Variants in CACNA1C observed in about 807,000 individuals in gnomAD.
CACNA1C encodes the protein calcium voltage-gated channel subunit alpha1 C.
A neutral mutation model predicts 229.0 loss-of-function variants in CACNA1C; 30 were observed. That is an observed-to-expected ratio of 0.13 (90% CI 0.10 to 0.18). The LOEUF (loss-of-function observed/expected upper bound fraction) is 0.18, where lower values mean the gene tolerates loss of function less well. Ranked by LOEUF, CACNA1C falls within the 10% of genes least tolerant of loss-of-function variation. CACNA1C has a pLI of 1.00. For synonymous variants in CACNA1C, 1,114 were observed against 1,132.5 expected (o/e 0.98, Z 0.33); for missense variants, 1,658 against 2,845.0 (o/e 0.58, Z 9.49).
Position 2,141,379 on chromosome 12 carries a change from G to A in CACNA1C, c.477+20949G>A, listed in dbSNP as rs1180434811. 2.6e-5 allele frequency among the ~76,000 whole-genome samples: 4 copies of A among 151,228 alleles called. No homozygotes were observed. The East Asian group carries it at 7.7e-4, about 29-fold the overall frequency. On this transcript the variant is annotated intron_variant, in intron 3 of 46. Transcript: ENST00000399655. ...GTGGTTGCCAGAGGGCCTGGCCAGA[G>A]CTCACTGGGGAAGAAAGCCCTGGAC...
At chr12:2,439,953 C>T (rs1356586441) in intron 3 of CACNA1C, among the ~76,000 whole-genome samples, 1 of 152,052 alleles carries the variant, frequency 6.6e-6, no homozygotes, top group African/African-American at 2.4e-5. Flanking sequence ...GCAGAAGACC[C>T]CCGGCAGGAC....
intron 21 of CACNA1C, among the ~76,000 whole-genome samples, chr12:2,600,767 G>A (rs1012056985): frequency 2.6e-5 from 4 of 152,174 alleles, no homozygotes; most frequent in Non-Finnish European, 4.4e-5. Context: ...CAAAGCCAGG[G>A]GATAGTTTCC....
intron 3 of CACNA1C, among the ~76,000 whole-genome samples, chr12:2,338,045 C>T (rs2096752549): frequency 1.3e-5 from 2 of 152,148 alleles, no homozygotes; most frequent in Non-Finnish European, 1.5e-5. Context: ...CCCCTCTCTG[C>T]ACAGCCTGGT....
At chr12:2,357,135 A>T (rs2097394051) in intron 3 of CACNA1C, among the ~76,000 whole-genome samples, 2 of 152,188 alleles carry the variant, frequency 1.3e-5, no homozygotes, top group South Asian at 4.1e-4. Context: ...CCAAAACTGG[A>T]CAAGATTAGA....
At chr12:2,170,565 A>G (rs2096435274) in intron 3 of CACNA1C, among the ~76,000 whole-genome samples, 1 of 152,254 alleles carries the variant, frequency 6.6e-6, no homozygotes, top group Non-Finnish European at 1.5e-5. Flanking sequence ...TCACTGCTAT[A>G]GTGAGTCACC....
upstream of CACNA1C, among the ~76,000 whole-genome samples, chr12:2,052,782 G>A (rs1475479976): frequency 1.4e-5 from 2 of 145,474 alleles, no homozygotes; most frequent in Admixed American, 6.8e-5. Flanking sequence ...CCGGGAGGGG[G>A]CCCGACTTCG....
intron 29 of CACNA1C, among the ~76,000 whole-genome samples, chr12:2,616,498 A>G (rs1205663182): frequency 2.0e-5 from 3 of 152,130 alleles, no homozygotes; most frequent in East Asian, 1.9e-4. Flanking sequence ...GGCAGCTGCA[A>G]GCACCCAGCC....
chr12:2,443,142 A>G (rs908065402), intron 3 of CACNA1C, among the ~76,000 whole-genome samples: 1 of 152,226 alleles, frequency 6.6e-6, no homozygotes, highest in Non-Finnish European at 1.5e-5. Context: ...TAGGAGCAAG[A>G]TGGAAGGCAA....
At chr12:2,137,678 CTA>C (rs1316614642) in intron 3 of CACNA1C, among the ~76,000 whole-genome samples, 1 of 151,208 alleles carries the variant, frequency 6.6e-6, no homozygotes, top group African/African-American at 2.4e-5. Context: ...ATATTTGTCT[CTA>C]AAATACTTAC....
chr12:2,027,734 C>T (rs1177436379), intron 1 of CACNA1C, among the ~76,000 whole-genome samples: 1 of 152,134 alleles, frequency 6.6e-6, no homozygotes, highest in Non-Finnish European at 1.5e-5. Context: ...ACTTTTTGTC[C>T]AATTATTCAT....
At chr12:2,409,157 TC>T (rs1295470883) in intron 3 of CACNA1C, among the ~76,000 whole-genome samples, 1 of 152,254 alleles carries the variant, frequency 6.6e-6, no homozygotes, top group African/African-American at 2.4e-5. Context: ...CCTTTTGTCC[TC>T]ATGATAACTG....
At chr12:2,021,229 G>C (rs1460191248) in intron 1 of CACNA1C, among the ~76,000 whole-genome samples, 1 of 152,166 alleles carries the variant, frequency 6.6e-6, no homozygotes, top group Admixed American at 6.5e-5. Context: ...AGTTGAGGAA[G>C]CTGAGGCTCA....
intron 3 of CACNA1C, among the ~76,000 whole-genome samples, chr12:2,349,411 G>GT (rs1007122510): frequency 5.3e-5 from 8 of 151,960 alleles, no homozygotes; most frequent in South Asian, 2.1e-4. Flanking sequence ...TGGAATCATC[G>GT]TTTTTTTTAA....
intron 29 of CACNA1C, among the ~76,000 whole-genome samples, chr12:2,628,107 C>T (rs552257219): frequency 2.0e-5 from 3 of 152,200 alleles, no homozygotes; most frequent in Admixed American, 6.5e-5. Flanking sequence ...TCGTCGTGGA[C>T]GCCTTCTTGC....
chr12:2,380,852 C>T (rs2098223327), intron 3 of CACNA1C, among the ~76,000 whole-genome samples: 1 of 152,184 alleles, frequency 6.6e-6, no homozygotes, highest in Non-Finnish European at 1.5e-5. Context: ...GCAATGTCCT[C>T]ATTACAGCAC....
At chr12:2,498,772 G>A (rs142213224) in intron 7 of CACNA1C, among the ~76,000 whole-genome samples, 19 of 152,338 alleles carry the variant, frequency 1.2e-4, no homozygotes, top group African/African-American at 4.3e-4. Flanking sequence ...GGGAAAGCAA[G>A]CTTTGTCTCA....
intron 3 of CACNA1C, among the ~76,000 whole-genome samples, chr12:2,260,613 G>C (rs75824979): frequency 1.3e-5 from 2 of 152,186 alleles, no homozygotes. Context: ...CCCTCGGCCC[G>C]TCCTGGAGTC....
chr12:2,576,093 G>A (rs186238856), intron 13 of CACNA1C, among the ~76,000 whole-genome samples: 10 of 152,316 alleles, frequency 6.6e-5, no homozygotes, highest in African/African-American at 2.4e-4. Flanking sequence ...AGGGAGGCTG[G>A]GAGTAGGAAG....
intron 3 of CACNA1C, among the ~76,000 whole-genome samples, chr12:2,321,251 C>T (rs2095981405): frequency 6.6e-6 from 1 of 152,076 alleles, no homozygotes; most frequent in Non-Finnish European, 1.5e-5. Flanking sequence ...GGTGCCTGTA[C>T]TCACCTTGGC....
Sources: gnomAD v4.1 joint callset for allele counts (sites outside exome capture counted in the v4.1 genomes callset) on GRCh38, gnomAD v4.1.1 for gene constraint, MANE v1.5 for transcripts, NCBI Gene and HGNC (gene_info 2026-07-23, HGNC 2026-07-21) for gene names.